QTMAN: variants seen among roughly 807,000 people sequenced by gnomAD.
QTMAN encodes the protein tRNA-queuosine alpha-mannosyltransferase.
At chr2:144,055,336 C>T in the QTMAN span, among the ~76,000 whole-genome samples, 1 of 118,616 alleles carries the variant, frequency 8.4e-6, no homozygotes, top group South Asian at 2.4e-4. Flanking sequence ...GACACACAGA[C>T]ACACACACAC....
At chr2:143,989,140 T>G in the QTMAN span, among the ~76,000 whole-genome samples, 4 of 152,042 alleles carry the variant, frequency 2.6e-5, no homozygotes, top group South Asian at 8.3e-4. Flanking sequence ...TATAATTATC[T>G]TAGTCAACCT....
At chr2:144,222,295 A>G in the QTMAN span, among the ~76,000 whole-genome samples, 6 of 151,766 alleles carry the variant, frequency 4.0e-5, no homozygotes, top group Admixed American at 3.3e-4. Flanking sequence ...TCCTGACCTC[A>G]TGGTCCGCCT....
At chr2:144,166,961 GA>G in the QTMAN span, among the ~76,000 whole-genome samples, 1 of 152,104 alleles carries the variant, frequency 6.6e-6, no homozygotes, top group Non-Finnish European at 1.5e-5. Context: ...ATTCTCTGGG[GA>G]AACTCATAGT....
chr2:144,282,016 T>A, the QTMAN span, among the ~76,000 whole-genome samples: 11 of 152,146 alleles, frequency 7.2e-5, no homozygotes, highest in Non-Finnish European at 1.2e-4. Context: ...AAAACACAGA[T>A]TGCTGGTCCT....
chr2:144,292,379 AAC>A, the QTMAN span, among the ~76,000 whole-genome samples: 3 of 152,184 alleles, frequency 2.0e-5, no homozygotes, highest in East Asian at 1.9e-4. Context: ...TCATTTTTCT[AAC>A]AGTTACTTAA....
chr2:144,298,143 C>T, the QTMAN span, among the ~76,000 whole-genome samples: 1 of 150,452 alleles, frequency 6.6e-6, no homozygotes, highest in Admixed American at 6.6e-5. Context: ...CTCAGCCTCC[C>T]GAGTAGCTGG....
At chr2:144,106,925 T>A in the QTMAN span, among the ~76,000 whole-genome samples, 1 of 152,138 alleles carries the variant, frequency 6.6e-6, no homozygotes. Context: ...CACAGTGCAA[T>A]CAAACTAGAA....
At chr2:144,090,725 A>G in the QTMAN span, among the ~76,000 whole-genome samples, 5 of 152,036 alleles carry the variant, frequency 3.3e-5, no homozygotes, top group Non-Finnish European at 7.4e-5. Flanking sequence ...TATATAGTAT[A>G]TTCATGGATC....
chr2:144,036,945 G>T, the QTMAN span, among the ~76,000 whole-genome samples: 1 of 152,190 alleles, frequency 6.6e-6, no homozygotes, highest in African/African-American at 2.4e-5. Context: ...GCCATAAAAA[G>T]GAATGAACTA....
the QTMAN span, among the ~76,000 whole-genome samples, chr2:144,058,854 A>C: frequency 1.3e-5 from 2 of 152,130 alleles, no homozygotes; most frequent in Non-Finnish European, 2.9e-5. Flanking sequence ...CCCAAGTTTC[A>C]AAGAGTCTCC....
the QTMAN span, among the ~76,000 whole-genome samples, chr2:144,014,795 G>T: frequency 6.6e-6 from 1 of 152,146 alleles, no homozygotes; most frequent in African/African-American, 2.4e-5. Flanking sequence ...GGAAAAGATG[G>T]TTCTATTTCC....
At chr2:144,101,101 C>T in the QTMAN span, among the ~76,000 whole-genome samples, 8 of 152,116 alleles carry the variant, frequency 5.3e-5, no homozygotes. Flanking sequence ...ATCTCCTGAC[C>T]TCGTGATCCG....
At chr2:143,939,324 A>G in the QTMAN span, 1 of 152,236 alleles carries the variant, frequency 6.6e-6, no homozygotes, top group Non-Finnish European at 1.5e-5. Context: ...ATATTAATAA[A>G]TGATGTTCAT....
chr2:144,052,903 C>A, the QTMAN span, among the ~76,000 whole-genome samples: 1 of 152,180 alleles, frequency 6.6e-6, no homozygotes, highest in Admixed American at 6.5e-5. Flanking sequence ...TCCACCTTGG[C>A]CTCCCAAAGT....
At chr2:144,097,759 C>A in the QTMAN span, among the ~76,000 whole-genome samples, 17 of 152,314 alleles carry the variant, frequency 1.1e-4, 1 homozygote, top group African/African-American at 4.1e-4. Context: ...GCTTCCTCAG[C>A]AATGCTTTTA....
At chr2:144,302,479 G>A in the QTMAN span, among the ~76,000 whole-genome samples, 13 of 152,152 alleles carry the variant, frequency 8.5e-5, no homozygotes, top group East Asian at 2.5e-3. Context: ...ACAGAAAGGT[G>A]TATCTTAGGA....
At chr2:143,965,341 T>A in the QTMAN span, among the ~76,000 whole-genome samples, 1 of 152,232 alleles carries the variant, frequency 6.6e-6, no homozygotes, top group African/African-American at 2.4e-5. Flanking sequence ...ATGAGTCCTA[T>A]AATAAAATCT....
the QTMAN span, among the ~76,000 whole-genome samples, chr2:144,291,515 T>C: frequency 1.3e-5 from 2 of 152,234 alleles, no homozygotes; most frequent in East Asian, 1.9e-4. Flanking sequence ...GCTCATATGT[T>C]TAACCTGAAG....
the QTMAN span, among the ~76,000 whole-genome samples, chr2:144,202,517 T>G: frequency 6.6e-6 from 1 of 152,364 alleles, no homozygotes; most frequent in South Asian, 2.1e-4. Context: ...TCAATCATTA[T>G]GTTAAAAACA....
Sources: gnomAD v4.1 joint callset for allele counts (sites outside exome capture counted in the v4.1 genomes callset) on GRCh38, gnomAD v4.1.1 for gene constraint, MANE v1.5 for transcripts, NCBI Gene and HGNC (gene_info 2026-07-23, HGNC 2026-07-21) for gene names.